GRM1: variants seen among roughly 807,000 people sequenced by gnomAD.
GRM1 encodes the protein glutamate metabotropic receptor 1.
A neutral mutation model predicts 90.9 loss-of-function variants in GRM1; 33 were observed. The observed-to-expected ratio is 0.36, with a 90% CI of 0.28 to 0.49. The LOEUF (loss-of-function observed/expected upper bound fraction) is 0.49, where lower values mean the gene tolerates loss of function less well. Ranked by LOEUF, GRM1 falls within the 20% of genes least tolerant of loss-of-function variation. The pLI, the probability that GRM1 is intolerant of heterozygous loss-of-function variation, is 0.99. For synonymous variants in GRM1, 700 were observed against 613.2 expected, an observed-to-expected ratio of 1.14 and a Z score of -2.09; for missense variants, 1,190 against 1,534.3, an observed-to-expected ratio of 0.78 and a Z score of 3.75.
In GRM1 at chr6:146,049,486, G is replaced by A. The variant is rs1791446413; in HGVS notation, c.700+19269G>A. Among the ~76,000 whole-genome samples the A allele has an allele frequency of 2.6e-5, 4 of 151,968 alleles. No individual in the cohort carries two copies. In the South Asian group the frequency reaches 8.3e-4, roughly 31 times the overall value. On this transcript the variant is annotated intron_variant, in intron 1 of 7. Coordinates refer to ENST00000282753, the MANE Select transcript of GRM1 (RefSeq NM_001278064.2). The stretch of plus-strand genomic sequence containing the variant: ...CCTAGATTCTTAGGCCTTTGGCCCT[G>A]TACTGAGGGTTATGCTATCATCAGC...
At chr6:146,105,577 A>G (rs1777199317) in intron 1 of GRM1, among the ~76,000 whole-genome samples, 1 of 152,200 alleles carries the variant, frequency 6.6e-6, no homozygotes, top group African/African-American at 2.4e-5. Flanking sequence ...CTGCTTGAAA[A>G]AAAAGATAAA....
chr6:146,128,339 G>A (rs1041103424), intron 1 of GRM1, among the ~76,000 whole-genome samples: 6 of 152,138 alleles, frequency 3.9e-5, no homozygotes, highest in African/African-American at 1.4e-4. Context: ...TTTATCAAGA[G>A]CATTTAATAT....
At chr6:146,123,157 T>C (rs1262017121) in intron 1 of GRM1, among the ~76,000 whole-genome samples, 1 of 152,138 alleles carries the variant, frequency 6.6e-6, no homozygotes, top group Admixed American at 6.5e-5. Context: ...ATTTCTTTTA[T>C]TAACCTTGTT....
At chr6:146,411,879 A>G (rs1243628675) in intron 7 of GRM1, among the ~76,000 whole-genome samples, 1 of 152,164 alleles carries the variant, frequency 6.6e-6, no homozygotes, top group African/African-American at 2.4e-5. Flanking sequence ...CTAAAACATG[A>G]CTGATCTGGA....
At chr6:146,270,875 T>G (rs896150472) in intron 2 of GRM1, among the ~76,000 whole-genome samples, 82 of 90,558 alleles carry the variant, frequency 9.1e-4, no homozygotes, top group African/African-American at 4.2e-3. Flanking sequence ...CTTTCTTTCT[T>G]TCTTTCTTTC....
At chr6:146,347,287 T>G (rs1305592673) in intron 3 of GRM1, among the ~76,000 whole-genome samples, 2 of 152,208 alleles carry the variant, frequency 1.3e-5, no homozygotes, top group Non-Finnish European at 2.9e-5. Flanking sequence ...TGCTGCCTAA[T>G]AGGGAGTGCC....
At chr6:146,375,527 G>GTC (rs1023786365) in intron 5 of GRM1, among the ~76,000 whole-genome samples, 23 of 151,944 alleles carry the variant, frequency 1.5e-4, no homozygotes, top group African/African-American at 2.2e-4. Flanking sequence ...ATTGGGGCCT[G>GTC]TCTCTCTCTA....
At chr6:146,262,903 G>T (rs1018643363) in intron 2 of GRM1, among the ~76,000 whole-genome samples, 1 of 151,442 alleles carries the variant, frequency 6.6e-6, no homozygotes, top group Non-Finnish European at 1.5e-5. Flanking sequence ...TTAAATAAAC[G>T]ACCTAATGCA....
intron 2 of GRM1, among the ~76,000 whole-genome samples, chr6:146,170,079 G>T (rs1778053514): frequency 6.6e-6 from 1 of 151,960 alleles, no homozygotes; most frequent in Non-Finnish European, 1.5e-5. Flanking sequence ...CCTCCAGCAT[G>T]GTGAATATGT....
chr6:146,262,633 G>A (rs1781744090), intron 2 of GRM1, among the ~76,000 whole-genome samples: 1 of 151,726 alleles, frequency 6.6e-6, no homozygotes, highest in Non-Finnish European at 1.5e-5. Flanking sequence ...TTTTCTCTGT[G>A]TATGTGTATG....
chr6:146,180,406 GTTATC>G (rs1330998396), intron 2 of GRM1, among the ~76,000 whole-genome samples: 5 of 152,044 alleles, frequency 3.3e-5, no homozygotes, highest in South Asian at 2.1e-4. Context: ...AAGAGGAAAA[GTTATC>G]TTAACTGATT....
chr6:146,054,613 T>C (rs2128850438), intron 1 of GRM1, among the ~76,000 whole-genome samples: 1 of 152,190 alleles, frequency 6.6e-6, no homozygotes, highest in South Asian at 2.1e-4. Flanking sequence ...GGCATAGACA[T>C]TCATTTCTCA....
intron 1 of GRM1, 81 bp from the exon 2 acceptor site, chr6:146,159,267 G>C: frequency 6.4e-7 from 1 of 1,560,624 alleles, no homozygotes; most frequent in Non-Finnish European, 8.8e-7. Flanking sequence ...CCATTCCTGT[G>C]ACTAACAAGT....
intron 1 of GRM1, among the ~76,000 whole-genome samples, chr6:146,084,538 T>C (rs1776477261): frequency 6.6e-6 from 1 of 152,180 alleles, no homozygotes; most frequent in Admixed American, 6.5e-5. Context: ...TCTATGTAAT[T>C]GTGTGGTTTT....
intron 3 of GRM1, among the ~76,000 whole-genome samples, chr6:146,350,879 G>T (rs991238015): frequency 6.6e-6 from 1 of 152,150 alleles, no homozygotes; most frequent in African/African-American, 2.4e-5. Context: ...ATCTTGCAAA[G>T]CTGGAAAATG....
At chr6:146,189,367 G>T (rs1181673074) in intron 2 of GRM1, among the ~76,000 whole-genome samples, 1 of 152,126 alleles carries the variant, frequency 6.6e-6, no homozygotes, top group African/African-American at 2.4e-5. Flanking sequence ...ACATCCTGCT[G>T]CTTTTTCCAT....
rs543060388 is a variant in GRM1 at position 146,304,814 on chromosome 6, T to C, written c.1154T>C (p.Leu385Pro). 5.0e-5 allele frequency: 81 copies of C among 1,613,636 alleles called. No homozygotes were observed. Among genetic ancestry groups the C allele is most frequent in the Non-Finnish European group, 6.2e-5 (73 of 1,179,704 alleles). Residue 385 changes from leucine to proline, a missense_variant, in exon 3 of 8, where the codon CTG (leucine) becomes CCG (proline). Around this residue, in one of 10 missense-constraint regions of GRM1, gnomAD observed 414 missense variants for 598.4 expected, o/e 0.69. Transcript: ENST00000282753. The stretch of plus-strand genomic sequence containing the variant: ...CAGTGCCGCCTTCCAGGACACCTTC[T>C]GGAAAATCCCAACTTTAAACGAATC... ...RFQCRLPGHLLENPNFKRICT... is the reference protein window; with the variant it reads ...RFQCRLPGHLPENPNFKRICT...
intron 2 of GRM1, among the ~76,000 whole-genome samples, chr6:146,227,216 G>T (rs1780272851): frequency 6.6e-6 from 1 of 150,616 alleles, no homozygotes; most frequent in Non-Finnish European, 1.5e-5. Context: ...ACGTGTGTGT[G>T]TATCTACACA....
chr6:146,029,459 C>T lies in GRM1; in HGVS notation c.-59C>T, dbSNP rs1462799207. ...CGTCTTGGGGGTGCGCGCCGGGAGC[C>T]TGCAGCGGGACCAGCGTGGGAACGC... On this transcript the variant is annotated 5_prime_UTR_variant, in exon 1 of 8. Transcript: ENST00000282753. 7.3e-7 allele frequency: 1 copy of T among 1,375,476 alleles called. No homozygotes were observed. The highest frequency in any genetic ancestry group is 1.0e-6 in the Non-Finnish European group (1 of 962,980). The allele number at this position is 1,375,476 out of a possible 1,614,324, so 85.2% of individuals were successfully genotyped here. A position where few individuals can be genotyped will look rare whatever the true frequency, so the allele number is the denominator to read the frequency against.
Sources: gnomAD v4.1 joint callset for allele counts (sites outside exome capture counted in the v4.1 genomes callset) on GRCh38, gnomAD v4.1.1 for gene constraint, gnomAD v4.1.1 regional missense constraint, MANE v1.5 for transcripts, NCBI Gene and HGNC (gene_info 2026-07-23, HGNC 2026-07-21) for gene names.